Variants in ARRDC3 observed in about 807,000 individuals in gnomAD.
The protein encoded by ARRDC3 is arrestin domain-containing protein 3.
In ARRDC3, 10 loss-of-function variants were observed where a neutral mutation model predicts 47.2. The observed-to-expected ratio is 0.21, with a 90% CI of 0.13 to 0.36. ARRDC3 has a LOEUF of 0.36. ARRDC3 is among the 10% of genes least tolerant of loss of function. ARRDC3 has a pLI of 1.00. For missense variants in ARRDC3, 381 were observed against 503.6 expected (o/e 0.76, Z 2.33); for synonymous variants, 156 against 178.3 (o/e 0.87, Z 1.00).
chr5:91,381,757 A>G (rs546314032), intron 1 of ARRDC3, among the ~76,000 whole-genome samples: 1 of 152,300 alleles, frequency 6.6e-6, no homozygotes, highest in East Asian at 1.9e-4. Flanking sequence ...AAAATTACAT[A>G]ACCAGTTTTA....
intron 1 of ARRDC3, among the ~76,000 whole-genome samples, chr5:91,379,210 C>G (rs1799378207): frequency 6.9e-6 from 1 of 145,570 alleles, no homozygotes; most frequent in Admixed American, 7.1e-5. Context: ...TAAAATATGT[C>G]AGTTTATAGG....
Position 91,370,235 on chromosome 5 carries a change from T to C in ARRDC3, c.*1165A>G, listed in dbSNP as rs1406710261. ...GTAATTAAGTAACTCTGTATAAAAA[T>C]AAATGCACTTTTCCCTCCTTTCCCC... On this transcript the variant is annotated 3_prime_UTR_variant, in exon 8 of 8. Transcript: ENST00000265138. 4 of 152,590 alleles carry C rather than the reference T, an allele frequency of 2.6e-5. No individual in the cohort carries two copies. Among genetic ancestry groups the C allele is most frequent in the African/African-American group, 9.7e-5 (4 of 41,430 alleles). The allele number at this position is 152,590 out of a possible 1,614,324, so 9.5% of individuals were successfully genotyped here.
chr5:91,382,891 T>C lies in ARRDC3; in HGVS notation c.202A>G (p.Asn68Asp). 6.2e-7 allele frequency: 1 copy of C among 1,614,178 alleles called. No homozygotes were observed. Among genetic ancestry groups the C allele is most frequent in the Admixed American group, 1.7e-5 (1 of 60,024 alleles). The change falls in exon 1 of 8, where the codon AAT (asparagine) becomes GAT (aspartate). Residue 68 changes from asparagine (N) to aspartate (D), a missense_variant. Coordinates refer to ENST00000265138, the MANE Select transcript of ARRDC3 (RefSeq NM_020801.4). Reference sequence around the variant, plus strand: ...GTGTAATTCTGTGTATAGGCAGTATTGGAGCCGGCGTTTCTAGATTCAGTC... The same window carrying C: ...GTGTAATTCTGTGTATAGGCAGTATCGGAGCCGGCGTTTCTAGATTCAGTC... ...RWTESRNAGSNTAYTQNYTEE... is the reference protein window; with the variant it reads ...RWTESRNAGSDTAYTQNYTEE...
In ARRDC3 at chr5:91,371,186, A is replaced by G. The variant is rs1205533565; in HGVS notation, c.*214T>C. 3.7e-6 allele frequency: 2 copies of G among 545,082 alleles called. No homozygotes were observed. Among genetic ancestry groups the G allele is most frequent in the East Asian group, 5.9e-5 (2 of 34,164 alleles). 33.8% of individuals were successfully genotyped at this position (545,082 alleles called of 1,614,324 possible). A position where few individuals can be genotyped will look rare whatever the true frequency, so the allele number is the denominator to read the frequency against. ...TCTGAGTATGTGCCAGTTTTAAAAG[A>G]GAAAAGCTTAGATCTTCAAGCATGT... On this transcript the variant is annotated 3_prime_UTR_variant, in exon 8 of 8. Transcript: ENST00000265138.
intron 7 of ARRDC3, among the ~76,000 whole-genome samples, chr5:91,373,445 T>C (rs1296923538): frequency 6.6e-6 from 1 of 152,138 alleles, no homozygotes; most frequent in Non-Finnish European, 1.5e-5. Context: ...AAAAAAAAAT[T>C]AGTAATTCAA....
chr5:91,371,237 A>C lies in ARRDC3; in HGVS notation c.*163T>G. 1 of 608,826 alleles carries C rather than the reference A, an allele frequency of 1.6e-6. No individual in the cohort carries two copies. 37.7% of individuals were successfully genotyped at this position (608,826 alleles called of 1,614,324 possible). On this transcript the variant is annotated 3_prime_UTR_variant, in exon 8 of 8. Transcript: ENST00000265138. ...TGGAGCAGTCTCAGAATGTTGCTGT[A>C]GGCTTCTAAAGCATGATCACTGGTT...
intron 4 of ARRDC3, 80 bp from the exon 5 acceptor site, chr5:91,375,258 G>GA: frequency 6.9e-7 from 1 of 1,441,386 alleles, no homozygotes; most frequent in South Asian, 1.3e-5. Context: ...GCTAAAGTAA[G>GA]AAAGTGCAAC....
rs1799248024 is a variant in ARRDC3, at chr5:91,374,259, A to G, written c.888T>C (p.Pro296=). ...EYSLMVYVDI[P]GAMDLFLNLP... is the part of the protein sequence containing the mutation. ...AATTAAGAAATAAATCCATAGCTCC[A>G]GGAATATCCACATATACCTAAACAT... Residue 296 remains proline (P), a synonymous_variant, in exon 6 of 8, where the codon CCT becomes CCC. Coordinates refer to ENST00000265138, the MANE Select transcript of ARRDC3 (RefSeq NM_020801.4). 6.2e-7 allele frequency: 1 copy of G among 1,613,240 alleles called. No homozygotes were observed. Among genetic ancestry groups the G allele is most frequent in the Non-Finnish European group, 8.5e-7 (1 of 1,179,404 alleles).
chr5:91,373,780 T>A lies in ARRDC3; in HGVS notation c.1092A>T (p.Pro364=). 6.2e-7 allele frequency: 1 copy of A among 1,614,112 alleles called. No homozygotes were observed. Among genetic ancestry groups the A allele is most frequent in the South Asian group, 1.1e-5 (1 of 91,080 alleles). ...TEEQRRNNLA[P]VSACDDFERA... ...TCTCAAAGTCATCACAAGCACTCACTGGTGCAAGATTGTTCCGCCTTTGTT... is the reference window on the plus strand; with the variant it reads ...TCTCAAAGTCATCACAAGCACTCACAGGTGCAAGATTGTTCCGCCTTTGTT... The change falls in exon 7 of 8, where the codon CCA becomes CCT. Residue 364 remains proline (P), a synonymous_variant. Coordinates refer to ENST00000265138, the MANE Select transcript of ARRDC3 (RefSeq NM_020801.4).
rs1799175054 is a variant in ARRDC3, at chr5:91,371,420, G to A, written c.1225C>T (p.Pro409Ser). 6 of 1,613,512 alleles carry A rather than the reference G, an allele frequency of 3.7e-6. No homozygotes were observed. The highest frequency in any genetic ancestry group is 5.1e-6 in the Non-Finnish European group (6 of 1,179,612). ...PNPDQSADDR[P>S]SCPSR is the part of the protein sequence containing the mutation. ...TTCCTTCAACGAGAGGGGCAGGATGGTCTATCATCTGCTGACTGATCAGGA... is the reference window on the plus strand; with the variant it reads ...TTCCTTCAACGAGAGGGGCAGGATGATCTATCATCTGCTGACTGATCAGGA... Residue 409 changes from proline to serine, a missense_variant, in exon 8 of 8, where the codon CCA (proline) becomes TCA (serine). By Grantham distance (74) the Pro-to-Ser change is moderately conservative. Coordinates refer to ENST00000265138, the MANE Select transcript of ARRDC3 (RefSeq NM_020801.4).
Position 91,371,429 on chromosome 5 carries a change from C to T in ARRDC3, c.1216G>A (p.Asp406Asn). 2 of 1,613,606 alleles carry T rather than the reference C, an allele frequency of 1.2e-6. No homozygotes were observed. Among genetic ancestry groups the T allele is most frequent in the Non-Finnish European group, 1.7e-6 (2 of 1,179,706 alleles). The change falls in exon 8 of 8, where the codon GAT becomes AAT. Residue 406 changes from aspartate to asparagine, a missense_variant. Transcript: ENST00000265138. ...EIDPNPDQSA[D>N]DRPSCPSR ...CGAGAGGGGCAGGATGGTCTATCAT[C>T]TGCTGACTGATCAGGATTTGGATCA...
At chr5:91,372,630 C>G (rs1012526338) in intron 7 of ARRDC3, among the ~76,000 whole-genome samples, 1 of 151,892 alleles carries the variant, frequency 6.6e-6, no homozygotes, top group African/African-American at 2.4e-5. Context: ...TATGTCTCAT[C>G]AATAATTCTG....
chr5:91,382,746 C>T, intron 1 of ARRDC3, 67 bp downstream of exon 1: 2 of 1,491,144 alleles, frequency 1.3e-6, no homozygotes, highest in Non-Finnish European at 1.8e-6. Context: ...CACGTTAATT[C>T]AGAAAACTGA....
At position 91,374,288 on chromosome 5, in the gene ARRDC3, A is replaced by C. The variant is rs755014961; in HGVS notation, c.871-12T>G. On this transcript the variant is annotated splice_polypyrimidine_tract_variant and intron_variant, in intron 5 of 7. Transcript: ENST00000265138. ...ATATCCACATATACCTAAACATTGC[A>C]AAGAAATATTAAGTTTAGAATGCCA... 1.2e-6 allele frequency: 2 copies of C among 1,600,322 alleles called. No homozygotes were observed. The highest frequency in any genetic ancestry group is 1.7e-6 in the Non-Finnish European group (2 of 1,172,596).
Position 91,382,956 on chromosome 5 carries a change from G to T in ARRDC3, c.137C>A (p.Ser46Tyr). 1 of 1,614,130 alleles carries T rather than the reference G, an allele frequency of 6.2e-7. No homozygotes were observed. Among genetic ancestry groups the T allele is most frequent in the Non-Finnish European group, 8.5e-7 (1 of 1,180,022 alleles). The change falls in exon 1 of 8, where the codon TCT (serine) becomes TAT (tyrosine). Residue 46 changes from serine (S) to tyrosine (Y), a missense_variant. Physicochemically the swap from Ser to Tyr is moderately radical, Grantham distance 144. Coordinates refer to ENST00000265138, the MANE Select transcript of ARRDC3 (RefSeq NM_020801.4). ...LEVTGEIRVK[S>Y]LKIHARGHAK... is the part of the protein sequence containing the mutation. ...ATGTCCTCTTGCATGAATTTTAAGA[G>T]ATTTTACTCTGATTTCCCCAGTAAC... is the stretch of plus-strand genomic sequence containing the variant.
chr5:91,377,652 T>G (rs1799336624), intron 2 of ARRDC3, among the ~76,000 whole-genome samples: 1 of 151,988 alleles, frequency 6.6e-6, no homozygotes, highest in Non-Finnish European at 1.5e-5. Flanking sequence ...ATGCTAATAG[T>G]TATCCAAAAT....
Position 91,378,777 on chromosome 5 carries a change from T to TAAAACAAACATAAAAAGAA in ARRDC3, c.281-21_281-3dup. 6.4e-7 allele frequency: 1 copy of TAAAACAAACATAAAAAGAA among 1,574,088 alleles called. No homozygotes were observed. The highest frequency in any genetic ancestry group is 1.2e-5 in the South Asian group (1 of 84,794). On this transcript the variant is annotated splice_region_variant and splice_polypyrimidine_tract_variant and intron_variant, in intron 1 of 7. Coordinates refer to ENST00000265138, the MANE Select transcript of ARRDC3 (RefSeq NM_020801.4). ...AGCCTTCTTCGGAATTATCATCATC[T>TAAAACAAACATAAAAAGAA]AAAACAAACATAAAAAGAAAACAAA...
At position 91,369,340 on chromosome 5, in the gene ARRDC3, G is replaced by C. The variant is rs748955080; in HGVS notation, c.*2060C>G. On this transcript the variant is annotated 3_prime_UTR_variant, in exon 8 of 8. Transcript: ENST00000265138. The stretch of plus-strand genomic sequence containing the variant: ...GCCCTTTATGCCAAATATTCCATTA[G>C]CTTTTTTTGAGGGGGACATTCACAA... 37 of 152,186 alleles carry C rather than the reference G, an allele frequency of 2.4e-4. No homozygotes were observed. The highest frequency in any genetic ancestry group is 6.3e-4 in the South Asian group (3 of 4,794). 9.4% of individuals were successfully genotyped at this position (152,186 alleles called of 1,614,324 possible).
At chr5:91,371,529 A>G in intron 7 of ARRDC3, 73 bp from the exon 8 acceptor site, 1 of 1,094,572 alleles carries the variant, frequency 9.1e-7, no homozygotes. Flanking sequence ...AAATGACTAC[A>G]ATTCTGAATA....
Sources: allele counts gnomAD v4.1 joint callset (sites outside exome capture counted in the v4.1 genomes callset), GRCh38; gene constraint gnomAD v4.1.1; transcripts MANE v1.5; gene names NCBI Gene and HGNC (gene_info 2026-07-23, HGNC 2026-07-21).